Variants in CNTN1 observed in about 807,000 individuals in gnomAD.
CNTN1 encodes the protein contactin-1.
Under a neutral mutation model 126.4 loss-of-function variants are expected in CNTN1, and 38 were observed. That is an observed-to-expected ratio of 0.30 (90% CI 0.23 to 0.39). The LOEUF is 0.39. Ranked by LOEUF, CNTN1 falls within the 10% of genes least tolerant of loss-of-function variation. The pLI is 1.00. For missense variants in CNTN1, 1,009 were observed against 1,248.4 expected (o/e 0.81, Z 2.89); for synonymous variants, 413 against 422.6 (o/e 0.98, Z 0.28).
At chr12:40,855,828 T>A (rs1942887349) in intron 1 of CNTN1, among the ~76,000 whole-genome samples, 1 of 152,166 alleles carries the variant, frequency 6.6e-6, no homozygotes, top group African/African-American at 2.4e-5. Flanking sequence ...TTAATTCTGT[T>A]TTGAATTTGA....
intron 1 of CNTN1, among the ~76,000 whole-genome samples, chr12:40,794,014 T>C (rs1294355037): frequency 6.6e-6 from 1 of 152,032 alleles, no homozygotes; most frequent in East Asian, 1.9e-4. Context: ...TATACATACC[T>C]AGTAAGTGTT....
chr12:41,008,310 GT>G (rs1436211207), intron 17 of CNTN1, among the ~76,000 whole-genome samples: 3 of 152,084 alleles, frequency 2.0e-5, no homozygotes, highest in Admixed American at 2.0e-4. Flanking sequence ...TAACAGTAGG[GT>G]TTGTTACCTG....
intron 1 of CNTN1, among the ~76,000 whole-genome samples, chr12:40,903,210 C>G (rs903939816): frequency 3.9e-5 from 6 of 152,092 alleles, no homozygotes; most frequent in African/African-American, 1.4e-4. Flanking sequence ...TAAGGCCTGG[C>G]TGGGTGTACA....
chr12:41,025,313 T>G lies in CNTN1; in HGVS notation c.2687T>G (p.Ile896Ser). 1 of 1,613,468 alleles carries G rather than the reference T, an allele frequency of 6.2e-7. No individual in the cohort carries two copies. The highest frequency in any genetic ancestry group is 1.3e-5 in the African/African-American group (1 of 75,008). ...GGGTGTGGACCTCCAAGTGACATGA[T>G]TGAGGCTTTCACCAAGAAAGCACGT... ...SAGCGPPSDM[I>S]EAFTKKAPPS... The change falls in exon 21 of 24, where the codon ATT becomes AGT. Residue 896 changes from isoleucine to serine, a missense_variant. Physicochemically the swap from Ile to Ser is moderately radical, Grantham distance 142 (BLOSUM62 -2). Transcript: ENST00000551295.
chr12:40,799,837 C>T (rs548625612), intron 1 of CNTN1, among the ~76,000 whole-genome samples: 12 of 151,974 alleles, frequency 7.9e-5, no homozygotes, highest in African/African-American at 2.7e-4. Context: ...ATTCCCATGA[C>T]ATAGGCATTA....
intron 15 of CNTN1, chr12:40,972,130 TG>T (rs561569261): frequency 5.2e-5 from 51 of 985,406 alleles, no homozygotes; most frequent in Non-Finnish European, 5.8e-5. Flanking sequence ...GGATAGCATG[TG>T]GGGGAAACCC....
chr12:41,069,177 G>A (rs992168893), intron 23 of CNTN1, among the ~76,000 whole-genome samples: 1 of 152,032 alleles, frequency 6.6e-6, no homozygotes, highest in Admixed American at 6.6e-5. Context: ...CACCCAAGAC[G>A]TAAATTAAGT....
chr12:40,848,547 G>T (rs887444627), intron 1 of CNTN1, among the ~76,000 whole-genome samples: 5 of 152,146 alleles, frequency 3.3e-5, no homozygotes, highest in African/African-American at 1.2e-4. Context: ...AAGAGATTCA[G>T]ATACTATTTT....
At chr12:40,781,314 A>C (rs1187989024) in intron 1 of CNTN1, among the ~76,000 whole-genome samples, 1 of 151,994 alleles carries the variant, frequency 6.6e-6, no homozygotes, top group Non-Finnish European at 1.5e-5. Flanking sequence ...CAGAAGACAC[A>C]ATAGCACTGC....
At chr12:40,765,356 T>C (rs983999407) in intron 1 of CNTN1, among the ~76,000 whole-genome samples, 2 of 151,876 alleles carry the variant, frequency 1.3e-5, no homozygotes, top group Non-Finnish European at 2.9e-5. Context: ...AATCCAGGAG[T>C]ACAGTATAAA....
In CNTN1 at chr12:40,933,534, G is replaced by T. The variant is rs1277987727; in HGVS notation, c.777G>T (p.Val259=). ...TATATGCATTGATGGGCCAAAATGT[G>T]ACCTTAGAATGTTTTGCACTTGGAA... ...KDVYALMGQN[V]TLECFALGNP... Residue 259 remains valine, a synonymous_variant, in exon 8 of 24, where the codon GTG becomes GTT. Transcript: ENST00000551295. 1 of 1,610,834 alleles carries T rather than the reference G, an allele frequency of 6.2e-7. No homozygotes were observed. The highest frequency in any genetic ancestry group is 1.7e-5 in the Admixed American group (1 of 59,868).
At chr12:40,804,413 G>A (rs1051006673) in intron 1 of CNTN1, among the ~76,000 whole-genome samples, 21 of 151,872 alleles carry the variant, frequency 1.4e-4, no homozygotes, top group Admixed American at 1.2e-3. Context: ...TTGCCATTTC[G>A]CAGTTGTTGT....
intron 1 of CNTN1, among the ~76,000 whole-genome samples, chr12:40,794,005 A>G (rs1940317517): frequency 6.6e-6 from 1 of 151,998 alleles, no homozygotes; most frequent in African/African-American, 2.4e-5. Context: ...CATTTCTCTT[A>G]TACATACCTA....
At chr12:40,733,369 AT>A (rs1030208978) in intron 1 of CNTN1, among the ~76,000 whole-genome samples, 36 of 151,756 alleles carry the variant, frequency 2.4e-4, no homozygotes, top group Middle Eastern at 3.4e-3. Flanking sequence ...TAAAAGTCAG[AT>A]TTTTTTTCAT....
chr12:41,004,614 G>T lies in CNTN1; in HGVS notation c.2114-9614G>T, dbSNP rs536590334. On this transcript the variant is annotated intron_variant, in intron 17 of 23. Transcript: ENST00000551295. ...AAGAATTTGCTTTATGAATCTGGGT[G>T]CTCCTGTCTTAGGTGTATACATATT... Among the ~76,000 whole-genome samples, 6 of 152,248 alleles carry T rather than the reference G, an allele frequency of 3.9e-5. No homozygotes were observed. The South Asian group carries it at 1.2e-3, about 32-fold the overall frequency.
chr12:40,946,605 A>C (rs1047452358), intron 14 of CNTN1, among the ~76,000 whole-genome samples: 2 of 152,142 alleles, frequency 1.3e-5, no homozygotes, highest in African/African-American at 4.8e-5. Flanking sequence ...AACAAAACCA[A>C]CATAATTAAC....
Position 41,020,374 on chromosome 12 carries a change from C to A in CNTN1, c.2457C>A (p.Val819=), listed in dbSNP as rs560990970. ...SEAPTEVGVK[V]LSSSEISVHW... is the part of the protein sequence containing the mutation. ...CCCCAACAGAAGTAGGTGTAAAAGT[C>A]TTATCATCTTCTGAGATATCTGTTC... Residue 819 remains valine, a synonymous_variant, in exon 20 of 24, where the codon GTC becomes GTA. Transcript: ENST00000551295. 2 of 1,612,732 alleles carry A rather than the reference C, an allele frequency of 1.2e-6. No individual in the cohort carries two copies. Among genetic ancestry groups the A allele is most frequent in the East Asian group, 4.5e-5 (2 of 44,740 alleles).
At chr12:40,784,568 A>G (rs937417419) in intron 1 of CNTN1, among the ~76,000 whole-genome samples, 1 of 152,136 alleles carries the variant, frequency 6.6e-6, no homozygotes, top group Non-Finnish European at 1.5e-5. Context: ...AAGTATTCCA[A>G]GAGGATAAAG....
chr12:40,719,918 A>C (rs1436426650), intron 1 of CNTN1, among the ~76,000 whole-genome samples: 1 of 152,028 alleles, frequency 6.6e-6, no homozygotes, highest in African/African-American at 2.4e-5. Context: ...GCTCACTGCA[A>C]GCTCCGCCTC....
Sources: gnomAD v4.1 joint callset for allele counts (sites outside exome capture counted in the v4.1 genomes callset) on GRCh38, gnomAD v4.1.1 for gene constraint, MANE v1.5 for transcripts, NCBI Gene and HGNC (gene_info 2026-07-23, HGNC 2026-07-21) for gene names.